The following ABLIM2 variants were observed in gnomAD, a reference collection of about 807,000 sequenced individuals.
ABLIM2 encodes the protein actin-binding LIM protein 2.
In ABLIM2, 53 loss-of-function variants were observed where a neutral mutation model predicts 97.7. The ratio of observed to expected loss-of-function variants is 0.54; its 90% confidence interval spans 0.44 to 0.68. The LOEUF is 0.68. ABLIM2 is among the 30% of genes least tolerant of loss of function. The pLI is 0.00. For synonymous variants in ABLIM2, 361 were observed against 345.8 expected (o/e 1.04, Z -0.49); for missense variants, 835 against 867.2 (o/e 0.96, Z 0.47).
In ABLIM2 at chr4:7,965,660, G is replaced by T. The variant is rs758110585; in HGVS notation, c.*1330C>A. On this transcript the variant is annotated 3_prime_UTR_variant, in exon 21 of 21. Coordinates refer to ENST00000447017, the MANE Select transcript of ABLIM2 (RefSeq NM_001130083.2). ...CTCAGCGCGCTTATCAGCATCCTGT[G>T]ACGGCCGGTGCTGCACCCTAACACA... 1 of 152,236 alleles carries T rather than the reference G, an allele frequency of 6.6e-6. No homozygotes were observed. Among genetic ancestry groups the T allele is most frequent in the Admixed American group, 6.5e-5 (1 of 15,276 alleles). The allele number at this position is 152,236 out of a possible 1,614,324, so 9.4% of individuals were successfully genotyped here.
At chr4:8,111,498 G>T (rs185771622) in intron 1 of ABLIM2, among the ~76,000 whole-genome samples, 1 of 152,318 alleles carries the variant, frequency 6.6e-6, no homozygotes, top group East Asian at 1.9e-4. Context: ...ATCAACGTTG[G>T]TACAGTTACA....
At position 8,032,759 on chromosome 4, in the gene ABLIM2, G is replaced by T; in HGVS notation, c.1048-2983C>A. 1.3e-6 allele frequency: 2 copies of T among 1,490,370 alleles called. No homozygotes were observed. The highest frequency in any genetic ancestry group is 1.9e-6 in the Non-Finnish European group (2 of 1,071,226). 92.3% of individuals were successfully genotyped at this position (1,490,370 alleles called of 1,614,324 possible). On this transcript the variant is annotated intron_variant, in intron 10 of 20. Transcript: ENST00000447017. This position sits in a 1 kb window ranked among gnomAD's most constrained non-coding sequence, Gnocchi z 4.3. ...AGGAGGGCAGTTCCGTGACTGGCAG[G>T]CAACACAGGCGCAAACACCCACACA... is the stretch of plus-strand genomic sequence containing the variant.
At chr4:8,135,867 G>A (rs1010818453) in intron 1 of ABLIM2, among the ~76,000 whole-genome samples, 6 of 152,234 alleles carry the variant, frequency 3.9e-5, no homozygotes, top group African/African-American at 7.2e-5. Flanking sequence ...GTGGTGAAGA[G>A]CCAACGTGGT....
At chr4:8,013,999 A>G (rs1268686075) in intron 14 of ABLIM2, among the ~76,000 whole-genome samples, 1 of 152,212 alleles carries the variant, frequency 6.6e-6, no homozygotes, top group Non-Finnish European at 1.5e-5. Context: ...GCCCATGTCC[A>G]GGGGGCCAGC....
chr4:8,090,077 G>C (rs1166049106), intron 3 of ABLIM2, among the ~76,000 whole-genome samples: 3 of 152,160 alleles, frequency 2.0e-5, no homozygotes, highest in African/African-American at 7.2e-5. Flanking sequence ...GTACCTTCTG[G>C]GGATCCAGGA....
intron 12 of ABLIM2, 126 bp downstream of exon 12, chr4:8,027,633 G>C (rs1027792663): frequency 3.1e-6 from 2 of 655,248 alleles, no homozygotes; most frequent in Non-Finnish European, 4.8e-6. Context: ...GACACACACA[G>C]AGAGGGGCAC....
chr4:8,133,568 G>C (rs1375626405), intron 1 of ABLIM2, among the ~76,000 whole-genome samples: 1 of 152,162 alleles, frequency 6.6e-6, no homozygotes, highest in Admixed American at 6.5e-5. Flanking sequence ...GGCCTCCCAG[G>C]TTGAGAGCAA....
chr4:7,997,488 T>C (rs1754089493), intron 16 of ABLIM2, among the ~76,000 whole-genome samples: 1 of 152,236 alleles, frequency 6.6e-6, no homozygotes, highest in Non-Finnish European at 1.5e-5. Context: ...TTCCCCCTAT[T>C]TTCTCTTTTG....
chr4:8,139,923 A>G (rs1446334517), intron 1 of ABLIM2, among the ~76,000 whole-genome samples: 5 of 152,122 alleles, frequency 3.3e-5, no homozygotes, highest in Non-Finnish European at 5.9e-5. Context: ...ATGCAGCCAT[A>G]AAAAAGGAAA....
In ABLIM2 at chr4:8,072,504, G is replaced by C. The variant is rs568757530; in HGVS notation, c.675+5124C>G. On this transcript the variant is annotated intron_variant, in intron 6 of 20. Transcript: ENST00000447017. This position sits in a 1 kb window ranked among gnomAD's most constrained non-coding sequence, Gnocchi z 5.8. Reference sequence around the variant, plus strand: ...GGCTCCTGCACCAGCAGCAGCAACAGCCGCAGCTGACTGCACCCAAGATAC... The same window carrying C: ...GGCTCCTGCACCAGCAGCAGCAACACCCGCAGCTGACTGCACCCAAGATAC... 2.0e-5 allele frequency among the ~76,000 whole-genome samples: 3 copies of C among 152,372 alleles called. No individual in the cohort carries two copies. The highest frequency in any genetic ancestry group is 6.5e-5 in the Admixed American group (1 of 15,308).
rs1847203583 is a variant in ABLIM2, at chr4:8,124,984, C to T, written c.11-18347G>A. Among the ~76,000 whole-genome samples the T allele has an allele frequency of 6.6e-6, 1 of 152,208 alleles. No individual in the cohort carries two copies. Among genetic ancestry groups the T allele is most frequent in the Non-Finnish European group, 1.5e-5 (1 of 68,054 alleles). ...TTCCCTGTGGGCGAATGATGCTGGGCATGGTTCATGTGTAGATTCTCCCTC... is the reference window on the plus strand; with the variant it reads ...TTCCCTGTGGGCGAATGATGCTGGGTATGGTTCATGTGTAGATTCTCCCTC... On this transcript the variant is annotated intron_variant, in intron 1 of 20. Transcript: ENST00000447017. The surrounding 1 kb of genome is among the most constrained non-coding windows in gnomAD (Gnocchi z 6.1).
chr4:8,066,596 C>G (rs1807942123), intron 6 of ABLIM2: 1 of 152,186 alleles, frequency 6.6e-6, no homozygotes, highest in Admixed American at 6.5e-5. Context: ...AGCACTGATC[C>G]TGCTACAACA....
intron 1 of ABLIM2, among the ~76,000 whole-genome samples, chr4:8,145,485 G>C (rs914065969): frequency 7.9e-5 from 12 of 151,984 alleles, no homozygotes; most frequent in African/African-American, 2.4e-4. Context: ...CGCCCGGCCA[G>C]GTATTGATTT....
intron 20 of ABLIM2, among the ~76,000 whole-genome samples, chr4:7,976,711 A>G (rs1172377877): frequency 6.6e-6 from 1 of 152,132 alleles, no homozygotes; most frequent in East Asian, 1.9e-4. Flanking sequence ...ACACACACGT[A>G]TATCCATATG....
Position 7,983,562 on chromosome 4 carries a change from A to G in ABLIM2, c.1736-8T>C. ...CCCCGCTTACCTTGTATTCTGTAAG[A>G]GAGAGAGAGCGGAGACCACGAAATG... On this transcript the variant is annotated splice_polypyrimidine_tract_variant and splice_region_variant and intron_variant, in intron 18 of 20. Transcript: ENST00000447017. The G allele has an allele frequency of 6.2e-7, 1 of 1,613,130 alleles. No individual in the cohort carries two copies. The highest frequency in any genetic ancestry group is 8.5e-7 in the Non-Finnish European group (1 of 1,179,598).
At chr4:8,092,509 G>C (rs539259105) in intron 3 of ABLIM2, among the ~76,000 whole-genome samples, 2 of 152,274 alleles carry the variant, frequency 1.3e-5, no homozygotes, top group African/African-American at 4.8e-5. Flanking sequence ...GATTTACAGA[G>C]GGTTAGTCTT....
In ABLIM2 at chr4:8,155,343, A is replaced by G. The variant is rs1159202509; in HGVS notation, c.10+3337T>C. Among the ~76,000 whole-genome samples the G allele has an allele frequency of 6.6e-6, 1 of 152,192 alleles. No homozygotes were observed. The highest frequency in any genetic ancestry group is 2.4e-5 in the African/African-American group (1 of 41,450). ...CTCTGTTCCAAATACTAGGATCTGC[A>G]CCGTCCACAGTCTGGGGACTAGGGC... On this transcript the variant is annotated intron_variant, in intron 1 of 20. Coordinates refer to ENST00000447017, the MANE Select transcript of ABLIM2 (RefSeq NM_001130083.2). The surrounding 1 kb of genome is among the most constrained non-coding windows in gnomAD (Gnocchi z 4.2).
At chr4:7,980,260 C>T (rs1173527813) in intron 20 of ABLIM2, among the ~76,000 whole-genome samples, 1 of 152,104 alleles carries the variant, frequency 6.6e-6, no homozygotes, top group Non-Finnish European at 1.5e-5. Flanking sequence ...GGAATTCAGG[C>T]ACAACTGATA....
intron 1 of ABLIM2, among the ~76,000 whole-genome samples, chr4:8,157,670 G>A (rs1481449072): frequency 1.3e-5 from 2 of 152,242 alleles, no homozygotes; most frequent in African/African-American, 2.4e-5. Flanking sequence ...CAGGGGAAGC[G>A]GCTGTCCCCA....
Sources: gnomAD v4.1 joint callset for allele counts (sites outside exome capture counted in the v4.1 genomes callset) on GRCh38, gnomAD v4.1.1 for gene constraint, Gnocchi (gnomAD v3.1) non-coding constraint, MANE v1.5 for transcripts, NCBI Gene and HGNC (gene_info 2026-07-23, HGNC 2026-07-21) for gene names.